ESRP2: variants seen among roughly 807,000 people sequenced by gnomAD.
ESRP2 encodes RNA binding motif protein 35A.
ESRP2 carries 48 observed loss-of-function variants against 78.6 expected under a neutral mutation model. The ratio of observed to expected loss-of-function variants is 0.61; its 90% CI spans 0.48 to 0.78. ESRP2 has a LOEUF of 0.78. Among genes scored for constraint, ESRP2 ranks in the 30% least tolerant of loss-of-function variants. The pLI, the probability that ESRP2 is intolerant of heterozygous loss-of-function variation, is 0.00. For synonymous variants in ESRP2, 383 were observed against 406.7 expected (o/e 0.94, Z 0.70); for missense variants, 863 against 965.9 (o/e 0.89, Z 1.41).
In ESRP2 at chr16:68,230,971, C is replaced by G; in HGVS notation, c.1768G>C (p.Glu590Gln). 1 of 1,607,678 alleles carries G rather than the reference C, an allele frequency of 6.2e-7. No homozygotes were observed. The highest frequency in any genetic ancestry group is 8.5e-7 in the Non-Finnish European group (1 of 1,177,026). Residue 590 changes from glutamate (E) to glutamine (Q), a missense_variant, in exon 13 of 15, where the codon GAG (glutamate) becomes CAG (glutamine). Transcript: ENST00000473183. The stretch of plus-strand genomic sequence containing the variant: ...GAAGAGGGGTATAGAGCTGCCGTCT[C>G]CGTGGGAATGAGCGTTGGGGTGGCT... ...FQATPTLIPT[E>Q]TAALYPSSAL... is the part of the protein sequence containing the mutation.
rs2042203894 is a variant in ESRP2 at position 68,235,029 on chromosome 16, A to AACC, written c.327+602_327+604dup. 1 of 687,248 alleles carries AACC rather than the reference A, an allele frequency of 1.5e-6. No individual in the cohort carries two copies. The highest frequency in any genetic ancestry group is 1.8e-6 in the Non-Finnish European group (1 of 557,660). The allele number at this position is 687,248 out of a possible 1,614,324, so 42.6% of individuals were successfully genotyped here. On this transcript the variant is annotated intron_variant, in intron 2 of 14. Transcript: ENST00000473183. This position sits in a 1 kb window ranked among gnomAD's most constrained non-coding sequence, Gnocchi z 5.5. ...ATAAGGAAAAGAAAACAGCAATGGA[A>AACC]ACCACCTCCCACTTCAGCTAGGGCA...
Position 68,232,832 on chromosome 16 carries a change from T to TG in ESRP2, c.656-18dup, listed in dbSNP as rs113152613. The TG allele has an allele frequency of 0.01, 16,932 of 1,614,076 alleles. 1,070 individuals carry two copies. In the African/African-American group the frequency reaches 0.16, roughly 15 times the overall value. ...ACAATTGACCTGAGAAAAGATGGCC[T>TG]GGGGGTCAGCAGGGTCTGGTGGAGA... On this transcript the variant is annotated splice_polypyrimidine_tract_variant and intron_variant, in intron 5 of 14. Transcript: ENST00000473183. This position sits in a 1 kb window ranked among gnomAD's most constrained non-coding sequence, Gnocchi z 5.2.
At chr16:68,233,479 T>G in intron 4 of ESRP2, 54 bp from the exon 5 acceptor site, 1 of 1,383,498 alleles carries the variant, frequency 7.2e-7, no homozygotes, top group South Asian at 1.2e-5. Flanking sequence ...CTAATCCTGT[T>G]TACTCCTGGG....
Position 68,229,065 on chromosome 16 carries a change from A to G in ESRP2, c.*1161T>C, listed in dbSNP as rs1012223631. 2.6e-5 allele frequency: 4 copies of G among 152,212 alleles called. No individual in the cohort carries two copies. The highest frequency in any genetic ancestry group is 5.9e-5 in the Non-Finnish European group (4 of 68,048). 9.4% of individuals were successfully genotyped at this position (152,212 alleles called of 1,614,324 possible). On this transcript the variant is annotated 3_prime_UTR_variant, in exon 15 of 15. Coordinates refer to ENST00000473183, the MANE Select transcript of ESRP2 (RefSeq NM_024939.3). ...AAATTGAAACCTTGTGTTTTATAAA[A>G]TGGATGTTTAGTAAAGGAACTGGTT...
Position 68,235,016 on chromosome 16 carries a change from A to G in ESRP2, c.327+618T>C. Reference sequence around the variant, plus strand: ...CGCCGTAGTGAAGATAAGGAAAAGAAAACAGCAATGGAAACCACCTCCCAC... The same window carrying G: ...CGCCGTAGTGAAGATAAGGAAAAGAGAACAGCAATGGAAACCACCTCCCAC... On this transcript the variant is annotated intron_variant, in intron 2 of 14. Coordinates refer to ENST00000473183, the MANE Select transcript of ESRP2 (RefSeq NM_024939.3). This position sits in a 1 kb window ranked among gnomAD's most constrained non-coding sequence, Gnocchi z 5.5. The G allele has an allele frequency of 1.8e-6, 1 of 545,598 alleles. No homozygotes were observed. The highest frequency in any genetic ancestry group is 2.0e-5 in the African/African-American group (1 of 48,912). The allele number at this position is 545,598 out of a possible 1,614,324, so 33.8% of individuals were successfully genotyped here.
At position 68,231,095 on chromosome 16, in the gene ESRP2, G is replaced by C; in HGVS notation, c.1712-68C>G. The C allele has an allele frequency of 1.2e-6, 2 of 1,600,712 alleles. No homozygotes were observed. Among genetic ancestry groups the C allele is most frequent in the Non-Finnish European group, 1.7e-6 (2 of 1,170,276 alleles). ...CTGCCCTGGGTGGGGTAGCCAGAAA[G>C]GAGTCCCCGCTATAGAAGGTAGGGG... On this transcript the variant is annotated intron_variant, in intron 12 of 14. Transcript: ENST00000473183. The surrounding 1 kb of genome is among the most constrained non-coding windows in gnomAD (Gnocchi z 6.0).
At chr16:68,233,196 C>CAAA (rs377116348) in intron 5 of ESRP2, 131 bp downstream of exon 5, 284 of 523,220 alleles carry the variant, frequency 5.4e-4, no homozygotes, top group Middle Eastern at 1.0e-3. Flanking sequence ...GAGACTGTCT[C>CAAA]AAAAAAAAAA....
Position 68,231,508 on chromosome 16 carries a change from C to T in ESRP2, c.1486G>A (p.Gly496Ser), listed in dbSNP as rs775059603. Residue 496 changes from glycine (G) to serine (S), a missense_variant, in exon 11 of 15, where the codon GGT becomes AGT. Coordinates refer to ENST00000473183, the MANE Select transcript of ESRP2 (RefSeq NM_024939.3). The surrounding 1 kb of genome is among the most constrained non-coding windows in gnomAD (Gnocchi z 6.0). ...TGCTGGTTGAGCACCATGTGTACAC[C>T]GTGGGGCCGAATGTCAGCTGCTGCC... ...GEAAADIRPH[G>S]VHMVLNQQGR... 31 of 1,613,950 alleles carry T rather than the reference C, an allele frequency of 1.9e-5. No homozygotes were observed. Among genetic ancestry groups the T allele is most frequent in the Non-Finnish European group, 2.6e-5 (31 of 1,179,998 alleles).
Position 68,232,135 on chromosome 16 carries a change from C to G in ESRP2, c.998-32G>C. On this transcript the variant is annotated intron_variant, in intron 9 of 14. Transcript: ENST00000473183. The surrounding 1 kb of genome is among the most constrained non-coding windows in gnomAD (Gnocchi z 5.2). ...ATGAGAGTCGCCTGCTGACTTCACT[C>G]ATGCTCCTCCAGACACTCACCCATG... The G allele has an allele frequency of 6.2e-7, 1 of 1,610,058 alleles. No individual in the cohort carries two copies. Among genetic ancestry groups the G allele is most frequent in the Non-Finnish European group, 8.5e-7 (1 of 1,177,290 alleles).
chr16:68,230,275 T>C lies in ESRP2; in HGVS notation c.2105A>G (p.Asp702Gly), dbSNP rs770807727. 5 of 1,614,180 alleles carry C rather than the reference T, an allele frequency of 3.1e-6. No homozygotes were observed. The Admixed American group carries it at 6.7e-5, about 22-fold the overall frequency. The change falls in exon 15 of 15, where the codon GAC becomes GGC. Residue 702 changes from aspartate to glycine, a missense_variant. By Grantham distance (94) the Asp-to-Gly change is moderately conservative (BLOSUM62 -1). Coordinates refer to ENST00000473183, the MANE Select transcript of ESRP2 (RefSeq NM_024939.3). Reference protein sequence around the residue: ...DDYTSLMPVGDPPRTVLQAPK... With the variant: ...DDYTSLMPVGGPPRTVLQAPK... The stretch of plus-strand genomic sequence containing the variant: ...GGCTTGTAACACAGTGCGAGGTGGG[T>C]CACCAACAGGCATCAGACTGGTGTA...
rs1477756728 is a variant in ESRP2 at position 68,234,044 on chromosome 16, C to T, written c.391G>A (p.Asp131Asn). The change falls in exon 3 of 15, where the codon GAT becomes AAT. Residue 131 changes from aspartate (D) to asparagine (N), a missense_variant. Asp to Asn is a conservative substitution (Grantham distance 23). Transcript: ENST00000473183. ...LGGGPYMLCT[D>N]GQQLLRQVLH... ...ACCTGTCGCAATAGCTGCTGCCCATCAGTGCAGAGCATGTAGGGGCCCCCG... is the reference window on the plus strand; with the variant it reads ...ACCTGTCGCAATAGCTGCTGCCCATTAGTGCAGAGCATGTAGGGGCCCCCG... The T allele has an allele frequency of 1.2e-6, 2 of 1,613,916 alleles. No homozygotes were observed. The highest frequency in any genetic ancestry group is 4.5e-5 in the East Asian group (2 of 44,878).
In ESRP2 at chr16:68,231,639, A is replaced by C; in HGVS notation, c.1355T>G (p.Leu452Arg). 3 of 1,613,868 alleles carry C rather than the reference A, an allele frequency of 1.9e-6. No individual in the cohort carries two copies. Among genetic ancestry groups the C allele is most frequent in the Non-Finnish European group, 2.5e-6 (3 of 1,179,894 alleles). The part of the protein sequence containing the change: ...PLLPTLTAPL[L>R]PIPFPLAPGT... Reference sequence around the variant, plus strand: ...AGGTGCCAGTGGGAAGGGGATGGGCAGCAGTGGGGCAGTCAGTGTAGGAAG... The same window carrying C: ...AGGTGCCAGTGGGAAGGGGATGGGCCGCAGTGGGGCAGTCAGTGTAGGAAG... The change falls in exon 11 of 15, where the codon CTG (leucine) becomes CGG (arginine). Residue 452 changes from leucine (L) to arginine (R), a missense_variant. Physicochemically the swap from Leu to Arg is moderately radical, Grantham distance 102. Transcript: ENST00000473183. This position sits in a 1 kb window ranked among gnomAD's most constrained non-coding sequence, Gnocchi z 6.0.
rs760025234 is a variant in ESRP2 at position 68,235,986 on chromosome 16, GGCGGGGTCGGCC to G, written c.48_59del (p.Ala20_Pro23del). 1.3e-6 allele frequency: 2 copies of G among 1,583,804 alleles called. No individual in the cohort carries two copies. The highest frequency in any genetic ancestry group is 1.7e-6 in the Non-Finnish European group (2 of 1,167,702). Reference sequence around the variant, plus strand: ...ATCCGGGCCAGGGGCAGGGGTCCGCGGCGGGGTCGGCCGCGGGGTCAGGGCCCGGGGGAGGGG... The same window carrying G: ...ATCCGGGCCAGGGGCAGGGGTCCGCGGCGGGGTCAGGGCCCGGGGGAGGGG... On this transcript the variant is annotated inframe_deletion, in exon 1 of 15. Coordinates refer to ENST00000473183, the MANE Select transcript of ESRP2 (RefSeq NM_024939.3). The surrounding 1 kb of genome is among the most constrained non-coding windows in gnomAD (Gnocchi z 5.5).
chr16:68,230,120 G>C lies in ESRP2; in HGVS notation c.*106C>G, dbSNP rs1262227441. ...CCTCTAGGTACCTTCTGAGAGCTTT[G>C]ACAAGCCAGAAAGAAGCTACCAGGT... On this transcript the variant is annotated 3_prime_UTR_variant, in exon 15 of 15. Transcript: ENST00000473183. 1 of 1,085,238 alleles carries C rather than the reference G, an allele frequency of 9.2e-7. No homozygotes were observed. Among genetic ancestry groups the C allele is most frequent in the Non-Finnish European group, 1.4e-6 (1 of 715,992 alleles). The allele number at this position is 1,085,238 out of a possible 1,614,324, so 67.2% of individuals were successfully genotyped here. A position where few individuals can be genotyped will look rare whatever the true frequency, so the allele number is the denominator to read the frequency against.
Position 68,233,759 on chromosome 16 carries a change from C to T in ESRP2, c.556+9G>A, listed in dbSNP as rs2151195220. 1 of 1,607,892 alleles carries T rather than the reference C, an allele frequency of 6.2e-7. No homozygotes were observed. Among genetic ancestry groups the T allele is most frequent in the Non-Finnish European group, 8.5e-7 (1 of 1,174,852 alleles). Reference sequence around the variant, plus strand: ...CTTCTCCACCCTAACCCTGCTGGGTCACAGATACCCTGTGCCATGGTGGCC... The same window carrying T: ...CTTCTCCACCCTAACCCTGCTGGGTTACAGATACCCTGTGCCATGGTGGCC... On this transcript the variant is annotated intron_variant, in intron 4 of 14. Transcript: ENST00000473183.
At position 68,235,365 on chromosome 16, in the gene ESRP2, T is replaced by C. The variant is rs573151813; in HGVS notation, c.327+269A>G. 1 of 985,414 alleles carries C rather than the reference T, an allele frequency of 1.0e-6. No homozygotes were observed. The highest frequency in any genetic ancestry group is 1.2e-6 in the Non-Finnish European group (1 of 829,922). 61.0% of individuals were successfully genotyped at this position (985,414 alleles called of 1,614,324 possible). A position where few individuals can be genotyped will look rare whatever the true frequency, so the allele number is the denominator to read the frequency against. On this transcript the variant is annotated intron_variant, in intron 2 of 14. Transcript: ENST00000473183. The surrounding 1 kb of genome is among the most constrained non-coding windows in gnomAD (Gnocchi z 5.5). ...TCGGCCTCGCTCCCCGGGCGGGAACTGGGGATGGATCCCAAAGCCTGCGTC... is the reference window on the plus strand; with the variant it reads ...TCGGCCTCGCTCCCCGGGCGGGAACCGGGGATGGATCCCAAAGCCTGCGTC...
Position 68,235,972 on chromosome 16 carries a change from G to C in ESRP2, c.74C>G (p.Pro25Arg). Residue 25 changes from proline (P) to arginine (R), a missense_variant, in exon 1 of 15, where the codon CCC (proline) becomes CGC (arginine). Pro to Arg is a moderately radical substitution (Grantham distance 103). Transcript: ENST00000473183. The surrounding 1 kb of genome is among the most constrained non-coding windows in gnomAD (Gnocchi z 5.5). ...PAADPAADPC[P>R]WPGSLVVLFG... ...GAGGACGACCAGTGATCCGGGCCAG[G>C]GGCAGGGGTCCGCGGCGGGGTCGGC... is the stretch of plus-strand genomic sequence containing the variant. 1.9e-6 allele frequency: 3 copies of C among 1,602,250 alleles called. No individual in the cohort carries two copies. The highest frequency in any genetic ancestry group is 2.6e-6 in the Non-Finnish European group (3 of 1,175,942).
Position 68,232,124 on chromosome 16 carries a change from C to T in ESRP2, c.998-21G>A. 1 of 1,609,784 alleles carries T rather than the reference C, an allele frequency of 6.2e-7. No homozygotes were observed. Among genetic ancestry groups the T allele is most frequent in the Non-Finnish European group, 8.5e-7 (1 of 1,177,052 alleles). ...TGTGCCTGTGTATGAGAGTCGCCTG[C>T]TGACTTCACTCATGCTCCTCCAGAC... On this transcript the variant is annotated intron_variant, in intron 9 of 14. Coordinates refer to ENST00000473183, the MANE Select transcript of ESRP2 (RefSeq NM_024939.3). The surrounding 1 kb of genome is among the most constrained non-coding windows in gnomAD (Gnocchi z 5.2).
At chr16:68,234,197 A>G in intron 2 of ESRP2, 90 bp from the exon 3 acceptor site, 1 of 992,702 alleles carries the variant, frequency 1.0e-6, no homozygotes, top group South Asian at 1.5e-5. Flanking sequence ...CAGGCTGCAA[A>G]GCTGGTTCAG....
Sources: allele counts gnomAD v4.1 joint callset, GRCh38; gene constraint gnomAD v4.1.1; non-coding constraint Gnocchi (gnomAD v3.1); transcripts MANE v1.5; gene names NCBI Gene and HGNC (gene_info 2026-07-23, HGNC 2026-07-21).